Variants in ANKS1B observed in about 807,000 individuals in gnomAD.
The protein encoded by ANKS1B is ankyrin repeat and sterile alpha motif domain containing 1B.
Under a neutral mutation model 148.3 loss-of-function variants are expected in ANKS1B, and 36 were observed. The ratio of observed to expected loss-of-function variants is 0.24; its 90% CI spans 0.19 to 0.32. The LOEUF (loss-of-function observed/expected upper bound fraction) is 0.32. Ranked by LOEUF, ANKS1B falls within the 10% of genes least tolerant of loss-of-function variation. The pLI is 1.00. For missense variants in ANKS1B, 1,157 were observed against 1,542.6 expected (o/e 0.75, Z 4.19); for synonymous variants, 542 against 560.8 (o/e 0.97, Z 0.47).
chr12:99,430,569 A>C (rs545065161), intron 11 of ANKS1B, among the ~76,000 whole-genome samples: 1 of 152,328 alleles, frequency 6.6e-6, no homozygotes, highest in African/African-American at 2.4e-5. Flanking sequence ...CAAGAAGGGA[A>C]TACCATTAGA....
chr12:99,286,959 T>C (rs561781582), intron 12 of ANKS1B, among the ~76,000 whole-genome samples: 15 of 152,284 alleles, frequency 9.9e-5, no homozygotes, highest in African/African-American at 2.9e-4. Flanking sequence ...TGTCCCACTC[T>C]GGGCCAGGGG....
At chr12:99,471,970 T>C (rs2096249341) in intron 10 of ANKS1B, among the ~76,000 whole-genome samples, 1 of 152,124 alleles carries the variant, frequency 6.6e-6, no homozygotes, top group African/African-American at 2.4e-5. Flanking sequence ...TTAGAATTCG[T>C]AGTGCAAAAC....
intron 1 of ANKS1B, among the ~76,000 whole-genome samples, chr12:99,846,524 A>G (rs1207957267): frequency 6.6e-6 from 1 of 152,170 alleles, no homozygotes; most frequent in Non-Finnish European, 1.5e-5. Context: ...TTAATGCTAT[A>G]GTGTTACTAT....
intron 10 of ANKS1B, among the ~76,000 whole-genome samples, chr12:99,458,935 A>C (rs1248074997): frequency 1.3e-5 from 2 of 152,226 alleles, no homozygotes; most frequent in South Asian, 2.1e-4. Flanking sequence ...CCATAATACC[A>C]AAACCAGGAA....
Position 99,528,478 on chromosome 12 carries a change from C to G in ANKS1B, c.1273-23837G>C, listed in dbSNP as rs377703562. ...AACCATCAACAGAGTAAACAGACAACCTACAGAATGGGAGAAAATATTTGC... is the reference window on the plus strand; with the variant it reads ...AACCATCAACAGAGTAAACAGACAAGCTACAGAATGGGAGAAAATATTTGC... On this transcript the variant is annotated intron_variant, in intron 9 of 26. Transcript: ENST00000683438. 1.5e-3 allele frequency among the ~76,000 whole-genome samples: 228 copies of G among 147,324 alleles called. 2 individuals carry two copies. Among genetic ancestry groups the G allele is most frequent in the African/African-American group, 5.4e-3 (219 of 40,346 alleles).
At chr12:99,728,754 G>A (rs2058850391) in intron 8 of ANKS1B, among the ~76,000 whole-genome samples, 1 of 152,198 alleles carries the variant, frequency 6.6e-6, no homozygotes, top group African/African-American at 2.4e-5. Flanking sequence ...TAAAGAAAAT[G>A]CGGTAAATAT....
At chr12:98,737,793 C>A (rs376784582) in intron 9 of ANKS1B, among the ~76,000 whole-genome samples, 6 of 152,248 alleles carry the variant, frequency 3.9e-5, no homozygotes, top group African/African-American at 1.4e-4. Context: ...GGTTTGCTAC[C>A]AAATTATATA....
At chr12:99,372,288 G>GA (rs1188401146) in intron 12 of ANKS1B, among the ~76,000 whole-genome samples, 3 of 151,250 alleles carry the variant, frequency 2.0e-5, no homozygotes, top group South Asian at 2.1e-4. Context: ...AACCTAAAAA[G>GA]AAAAAATATG....
At chr12:98,735,725 T>C in intron 9 of ANKS1B, 1 of 600,236 alleles carries the variant, frequency 1.7e-6, no homozygotes, top group South Asian at 2.0e-5. Flanking sequence ...CCTGGCATTG[T>C]GGTAGGTATT....
chr12:99,114,613 G>C (rs540204445), intron 15 of ANKS1B, among the ~76,000 whole-genome samples: 1 of 152,014 alleles, frequency 6.6e-6, no homozygotes, highest in Admixed American at 6.6e-5. Flanking sequence ...TTAGCTGGGC[G>C]TGGTGGCATG....
At position 99,246,555 on chromosome 12, in the gene ANKS1B, G is replaced by T; in HGVS notation, c.2066C>A (p.Thr689Lys). Residue 689 changes from threonine (T) to lysine (K), a missense_variant, in exon 13 of 27, where the codon ACA (threonine) becomes AAA (lysine). Coordinates refer to ENST00000683438, the MANE Select transcript of ANKS1B (RefSeq NM_001352186.2). The stretch of plus-strand genomic sequence containing the variant: ...CCGAGATCCACTCCTGGTTGATCTT[G>T]TGCCAACAATGGTATGGTTTTCGAG... Reference protein sequence around the residue: ...NQLENHTIVGTRSTRSGSRNG... With the variant: ...NQLENHTIVGKRSTRSGSRNG... The T allele has an allele frequency of 6.2e-7, 1 of 1,613,848 alleles. No homozygotes were observed. The highest frequency in any genetic ancestry group is 8.5e-7 in the Non-Finnish European group (1 of 1,179,868).
chr12:99,782,960 A>G (rs1017017133), intron 4 of ANKS1B, among the ~76,000 whole-genome samples: 4 of 152,168 alleles, frequency 2.6e-5, no homozygotes, highest in African/African-American at 9.7e-5. Flanking sequence ...GAGCCAAGGC[A>G]GGTGGATTGC....
chr12:99,259,213 C>A (rs1326788447), intron 12 of ANKS1B, among the ~76,000 whole-genome samples: 1 of 152,200 alleles, frequency 6.6e-6, no homozygotes, highest in Non-Finnish European at 1.5e-5. Flanking sequence ...AGCTTGAAAA[C>A]CACCCAGTGG....
chr12:99,781,919 A>T, intron 5 of ANKS1B, 103 bp downstream of exon 5: 2 of 967,940 alleles, frequency 2.1e-6, no homozygotes, highest in Non-Finnish European at 3.1e-6. Context: ...AGTAAAGGCA[A>T]GAGGGTGATT....
chr12:99,605,639 C>T (rs1314367258), intron 9 of ANKS1B, among the ~76,000 whole-genome samples: 2 of 152,076 alleles, frequency 1.3e-5, no homozygotes, highest in Non-Finnish European at 2.9e-5. Context: ...CCAGCCTCAT[C>T]CATGTTGCTA....
chr12:98,763,804 G>A (rs149262253), intron 25 of ANKS1B, among the ~76,000 whole-genome samples: 45 of 152,128 alleles, frequency 3.0e-4, no homozygotes, highest in Non-Finnish European at 6.3e-4. Context: ...GTTGGTCTTC[G>A]CATGCCATTA....
chr12:99,609,389 A>G (rs1344265476), intron 9 of ANKS1B, among the ~76,000 whole-genome samples: 1 of 151,982 alleles, frequency 6.6e-6, no homozygotes, highest in Non-Finnish European at 1.5e-5. Flanking sequence ...CAGTGATGAG[A>G]GAGACGTCCT....
chr12:99,240,365 A>G (rs2089028820), intron 14 of ANKS1B, among the ~76,000 whole-genome samples: 1 of 152,244 alleles, frequency 6.6e-6, no homozygotes, highest in Non-Finnish European at 1.5e-5. Context: ...AGAGCTAACT[A>G]TCCTAAATAT....
chr12:99,399,896 A>T, intron 11 of ANKS1B, 85 bp from the exon 12 acceptor site: 1 of 1,388,102 alleles, frequency 7.2e-7, no homozygotes, highest in Non-Finnish European at 1.0e-6. Context: ...TCTAAGTGAT[A>T]ATTTTTTTCA....
Sources: allele counts gnomAD v4.1 joint callset (sites outside exome capture counted in the v4.1 genomes callset), GRCh38; gene constraint gnomAD v4.1.1; transcripts MANE v1.5; gene names NCBI Gene and HGNC (gene_info 2026-07-23, HGNC 2026-07-21).